IL1RAPL2: variants seen among roughly 807,000 people sequenced by gnomAD.
IL1RAPL2 encodes the protein X-linked interleukin-1 receptor accessory protein-like 2.
A neutral mutation model predicts 44.1 loss-of-function variants in IL1RAPL2; 3 were observed. That is an observed-to-expected ratio of 0.07 (90% CI 0.03 to 0.18). The LOEUF (loss-of-function observed/expected upper bound fraction) is 0.18, where lower values mean the gene tolerates loss of function less well. Among genes scored for constraint, IL1RAPL2 ranks in the 10% least tolerant of loss-of-function variants. The probability of loss-of-function intolerance (pLI) is 1.00; values close to 1 mark genes in which losing one functional copy is unlikely to be tolerated. For synonymous variants in IL1RAPL2, 181 were observed against 178.8 expected, an observed-to-expected ratio of 1.01 and a Z score of -0.10; for missense variants, 391 against 496.4, an observed-to-expected ratio of 0.79 and a Z score of 2.02.
At chrX:105,583,220 C>G (rs1425132574) in intron 6 of IL1RAPL2, among the ~76,000 whole-genome samples, 1 of 104,763 alleles carries the variant, frequency 9.5e-6, no homozygotes, top group Non-Finnish European at 2.0e-5. Context: ...CTGCAACCTC[C>G]GTCTCCCAGG....
intron 2 of IL1RAPL2, among the ~76,000 whole-genome samples, chrX:105,051,985 G>T (rs1227854528): frequency 8.9e-6 from 1 of 112,021 alleles, no homozygotes; most frequent in Non-Finnish European, 1.9e-5. Context: ...TCCCATTTTT[G>T]TTTTTGTTTT....
chrX:105,634,777 TTATTAC>T (rs200488095), intron 6 of IL1RAPL2, among the ~76,000 whole-genome samples: 1,992 of 111,686 alleles, frequency 0.018, 36 homozygotes, highest in African/African-American at 0.062. Flanking sequence ...ACAACAGTAA[TTATTAC>T]TATTATCTAT....
chrX:105,219,818 G>A lies in IL1RAPL2; in HGVS notation c.357-14000G>A, dbSNP rs782291946. The A allele has an allele frequency of 1.2e-5, 13 of 1,114,593 alleles. No individual in the cohort carries two copies. The East Asian group carries it at 3.4e-4, about 29-fold the overall frequency. 91.9% of individuals were successfully genotyped at this position (1,114,593 alleles called of 1,213,427 possible). ...GGGGGCAAGGCGGGAGCACTAAGCA[G>A]GGTAGGACGGAGCTACCAGGTGGGA... On this transcript the variant is annotated intron_variant, in intron 3 of 10. Transcript: ENST00000372582.
chrX:105,396,353 C>A (rs1004158961), intron 5 of IL1RAPL2, among the ~76,000 whole-genome samples: 3 of 105,706 alleles, frequency 2.8e-5, no homozygotes, highest in African/African-American at 1.0e-4. Flanking sequence ...GATGACTTTA[C>A]GGTAATCAGG....
intron 2 of IL1RAPL2, among the ~76,000 whole-genome samples, chrX:104,850,206 A>AT (rs201764906): frequency 3.9e-4 from 43 of 109,426 alleles, no homozygotes; most frequent in African/African-American, 1.0e-3. Context: ...TGGTAGTTGG[A>AT]TTTTTTTTTT....
At chrX:105,144,770 A>G (rs2033164295) in intron 2 of IL1RAPL2, among the ~76,000 whole-genome samples, 1 of 111,534 alleles carries the variant, frequency 9.0e-6, no homozygotes, top group Non-Finnish European at 1.9e-5. Flanking sequence ...TTAGTAGTAC[A>G]TAGTAACTGC....
chrX:105,111,338 G>T (rs985589108), intron 2 of IL1RAPL2, among the ~76,000 whole-genome samples: 2 of 111,502 alleles, frequency 1.8e-5, no homozygotes, highest in Non-Finnish European at 3.8e-5. Context: ...AATTGTATTG[G>T]AGAAGTCTAG....
intron 2 of IL1RAPL2, among the ~76,000 whole-genome samples, chrX:104,805,139 G>A (rs1015311386): frequency 2.5e-4 from 28 of 111,149 alleles, no homozygotes; most frequent in African/African-American, 7.2e-4. Context: ...CAGTGCAATC[G>A]TCATCAGCCC....
At chrX:105,234,413 A>G (rs1262963068) in intron 4 of IL1RAPL2, among the ~76,000 whole-genome samples, 1 of 112,326 alleles carries the variant, frequency 8.9e-6, no homozygotes, top group Non-Finnish European at 1.9e-5. Context: ...TGTGAAAGCC[A>G]CAACAGTGAA....
At chrX:105,575,384 G>A in intron 6 of IL1RAPL2, among the ~76,000 whole-genome samples, 1 of 110,964 alleles carries the variant, frequency 9.0e-6, no homozygotes, top group East Asian at 2.8e-4. Flanking sequence ...ATGTGTCCAT[G>A]TGTTCTCATC....
At chrX:105,668,765 C>T (rs1363617809) in intron 6 of IL1RAPL2, among the ~76,000 whole-genome samples, 1 of 111,863 alleles carries the variant, frequency 8.9e-6, no homozygotes, top group Non-Finnish European at 1.9e-5. Context: ...GGTAGTGTGA[C>T]CACCCATGTT....
intron 1 of IL1RAPL2, among the ~76,000 whole-genome samples, chrX:104,616,763 C>T (rs1277922703): frequency 8.1e-5 from 9 of 111,390 alleles, no homozygotes; most frequent in Non-Finnish European, 1.7e-4. Flanking sequence ...TCACTGGCTT[C>T]CCTCAAACCA....
chrX:105,301,161 A>T (rs1012207042), intron 5 of IL1RAPL2, among the ~76,000 whole-genome samples: 8 of 111,911 alleles, frequency 7.1e-5, no homozygotes, highest in Admixed American at 6.6e-4. Flanking sequence ...GGACCAACTT[A>T]TTGGCAAAAT....
At chrX:105,275,184 C>G (rs1165240324) in intron 5 of IL1RAPL2, among the ~76,000 whole-genome samples, 2 of 108,880 alleles carry the variant, frequency 1.8e-5, no homozygotes, top group African/African-American at 6.7e-5. Flanking sequence ...GCACTCTAGC[C>G]TGGGTTACAG....
intron 2 of IL1RAPL2, among the ~76,000 whole-genome samples, chrX:104,754,866 T>C: frequency 9.0e-6 from 1 of 111,587 alleles, no homozygotes. Context: ...GTGTCAAATA[T>C]GAGTTTCATT....
At chrX:104,879,185 G>A (rs1201170938) in intron 2 of IL1RAPL2, among the ~76,000 whole-genome samples, 4 of 109,458 alleles carry the variant, frequency 3.7e-5, no homozygotes. Context: ...ATTATGTAGC[G>A]ATCCATTGCT....
At chrX:105,715,931 G>A (rs1452251474) in intron 6 of IL1RAPL2, among the ~76,000 whole-genome samples, 1 of 111,147 alleles carries the variant, frequency 9.0e-6, no homozygotes, top group East Asian at 2.8e-4. Context: ...TATGACACAA[G>A]CCCCCAAGCA....
intron 5 of IL1RAPL2, among the ~76,000 whole-genome samples, chrX:105,468,855 G>A (rs1226895712): frequency 9.0e-6 from 1 of 111,611 alleles, no homozygotes; most frequent in Admixed American, 9.6e-5. Flanking sequence ...AAGTTGGGAG[G>A]GACAGTTAAT....
intron 5 of IL1RAPL2, among the ~76,000 whole-genome samples, chrX:105,409,949 C>G (rs1183995865): frequency 9.2e-6 from 1 of 109,117 alleles, no homozygotes; most frequent in Non-Finnish European, 1.9e-5. Flanking sequence ...GATTTAGAGT[C>G]AACAGCACCT....
Sources: gnomAD v4.1 joint callset for allele counts (sites outside exome capture counted in the v4.1 genomes callset) on GRCh38, gnomAD v4.1.1 for gene constraint, MANE v1.5 for transcripts, NCBI Gene and HGNC (gene_info 2026-07-23, HGNC 2026-07-21) for gene names.